KLHL7: variants seen among roughly 807,000 people sequenced by gnomAD.
KLHL7 encodes the protein kelch like family member 7, also known as kelch-like protein 7.
In KLHL7, 44 loss-of-function variants were observed where a neutral mutation model predicts 67.4. The observed-to-expected ratio is 0.65, with a 90% CI of 0.51 to 0.84. The LOEUF (loss-of-function observed/expected upper bound fraction) is 0.84. Among genes scored for constraint, KLHL7 ranks in the 40% least tolerant of loss-of-function variants. The pLI is 0.00. For synonymous variants in KLHL7, 252 were observed against 243.3 expected (o/e 1.04, Z -0.33); for missense variants, 362 against 718.1 (o/e 0.50, Z 5.67).
chr7:23,116,234 T>G (rs978654276), intron 1 of KLHL7, among the ~76,000 whole-genome samples: 2 of 152,240 alleles, frequency 1.3e-5, no homozygotes, highest in African/African-American at 4.8e-5. Context: ...TTTGTCCTCC[T>G]TTCCTCTCCA....
chr7:23,162,195 T>G (rs1467216678), intron 7 of KLHL7, among the ~76,000 whole-genome samples: 1 of 152,236 alleles, frequency 6.6e-6, no homozygotes, highest in Admixed American at 6.5e-5. Flanking sequence ...GACGCAGCTT[T>G]GGAGTCAGAT....
At chr7:23,163,616 C>T (rs1784914080) in intron 7 of KLHL7, among the ~76,000 whole-genome samples, 1 of 152,068 alleles carries the variant, frequency 6.6e-6, no homozygotes, top group African/African-American at 2.4e-5. Context: ...GGAAAACCTA[C>T]AAAAAGGAAA....
chr7:23,144,958 C>T (rs1417473827), intron 6 of KLHL7, among the ~76,000 whole-genome samples: 1 of 149,458 alleles, frequency 6.7e-6, no homozygotes, highest in East Asian at 1.9e-4. Context: ...CCTAGCCGGG[C>T]GTGGAGGCAT....
At chr7:23,123,952 C>A (rs1156487428) in intron 2 of KLHL7, 73 bp downstream of exon 2, 3 of 1,069,968 alleles carry the variant, frequency 2.8e-6, no homozygotes, top group African/African-American at 1.6e-5. Context: ...GAGAATATGT[C>A]ATTTTTCTAA....
chr7:23,129,374 C>A, intron 4 of KLHL7: 1 of 383,406 alleles, frequency 2.6e-6, no homozygotes, highest in Non-Finnish European at 5.2e-6. Flanking sequence ...AAGGGAAACT[C>A]ATCCCAAATG....
chr7:23,162,643 T>G (rs1267553838), intron 7 of KLHL7, among the ~76,000 whole-genome samples: 3 of 152,254 alleles, frequency 2.0e-5, no homozygotes, highest in African/African-American at 7.2e-5. Context: ...GTAAGATGAA[T>G]GAAGCCAAAA....
At chr7:23,106,519 G>A (rs777392373) in intron 1 of KLHL7, 106 of 1,131,416 alleles carry the variant, frequency 9.4e-5, no homozygotes, top group Non-Finnish European at 1.0e-4. Context: ...GAAGAAACCC[G>A]TTGGCATAGC....
At chr7:23,127,460 C>G (rs1178166644) in intron 4 of KLHL7, among the ~76,000 whole-genome samples, 2 of 152,134 alleles carry the variant, frequency 1.3e-5, no homozygotes, top group South Asian at 2.1e-4. Context: ...AGCCCAATAA[C>G]TAGGGAAACT....
chr7:23,106,930 T>A, intron 1 of KLHL7: 1 of 549,216 alleles, frequency 1.8e-6, no homozygotes, highest in Non-Finnish European at 2.3e-6. Context: ...TATTTATAGA[T>A]AATACACATC....
chr7:23,118,751 T>G (rs1338642155), intron 1 of KLHL7, among the ~76,000 whole-genome samples: 2 of 151,206 alleles, frequency 1.3e-5, no homozygotes, highest in Non-Finnish European at 3.0e-5. Flanking sequence ...TTTCCTAGAC[T>G]TTTTTTTTAA....
Position 23,174,178 on chromosome 7 carries a change from A to G in KLHL7, c.1641A>G (p.Glu547=). 10 of 1,614,192 alleles carry G rather than the reference A, an allele frequency of 6.2e-6. No individual in the cohort carries two copies. Among genetic ancestry groups the G allele is most frequent in the Non-Finnish European group, 8.5e-6 (10 of 1,180,012 alleles). Residue 547 remains glutamate, a synonymous_variant, in exon 11 of 11, where the codon GAA becomes GAG. Coordinates refer to ENST00000339077, the MANE Select transcript of KLHL7 (RefSeq NM_001031710.3). ...TTGGTCGATTAGGACACATTCTCGA[A>G]TATAATACCGAAACAGACAAATGGG... The part of the protein sequence containing the change: ...QGVGRLGHIL[E]YNTETDKWVA...
intron 3 of KLHL7, 133 bp downstream of exon 3, chr7:23,124,914 C>G (rs1229645058): frequency 9.4e-7 from 1 of 1,059,032 alleles, no homozygotes; most frequent in African/African-American, 1.6e-5. Flanking sequence ...TTTCAGTATC[C>G]TATGCCATAC....
rs144937971 is a variant in KLHL7 at position 23,165,383 on chromosome 7, T to A, written c.937-315T>A. Among the ~76,000 whole-genome samples, 288 of 152,320 alleles carry A rather than the reference T, an allele frequency of 1.9e-3. 1 individual carries two copies. Among genetic ancestry groups the A allele is most frequent in the South Asian group, 2.5e-3 (12 of 4,828 alleles). ...AAATAAAACAACTTATTTTAGAATCTTCTTGTATTGTCTTCAATAACAGAA... is the reference window on the plus strand; with the variant it reads ...AAATAAAACAACTTATTTTAGAATCATCTTGTATTGTCTTCAATAACAGAA... On this transcript the variant is annotated intron_variant, in intron 7 of 10. Transcript: ENST00000339077.
At chr7:23,119,594 T>C (rs1783245017) in intron 1 of KLHL7, among the ~76,000 whole-genome samples, 1 of 152,268 alleles carries the variant, frequency 6.6e-6, no homozygotes. Flanking sequence ...TATAATGACA[T>C]GTATACACCA....
At chr7:23,118,060 T>C (rs1783172022) in intron 1 of KLHL7, 1 of 1,436,048 alleles carries the variant, frequency 7.0e-7, no homozygotes. Flanking sequence ...CACATGTGAT[T>C]AAAAGCTAAT....
chr7:23,117,323 G>A (rs1464903927), intron 1 of KLHL7, among the ~76,000 whole-genome samples: 1 of 151,900 alleles, frequency 6.6e-6, no homozygotes, highest in Non-Finnish European at 1.5e-5. Context: ...CCTGACCCCA[G>A]GTGATCCACA....
At chr7:23,156,143 C>T (rs1784699407) in intron 7 of KLHL7, 1 of 292,372 alleles carries the variant, frequency 3.4e-6, no homozygotes, top group Admixed American at 4.8e-5. Flanking sequence ...GAGGAATGAA[C>T]TACCAATAAA....
At position 23,177,789 on chromosome 7, in the gene KLHL7, T is replaced by C. The variant is rs1184499073; in HGVS notation, c.*3491T>C. ...CAAAACAAAACATATACTTGTGACTTTGTGGTCCAGCTGGCAAAAACTTGA... is the reference window on the plus strand; with the variant it reads ...CAAAACAAAACATATACTTGTGACTCTGTGGTCCAGCTGGCAAAAACTTGA... On this transcript the variant is annotated 3_prime_UTR_variant, in exon 11 of 11. Coordinates refer to ENST00000339077, the MANE Select transcript of KLHL7 (RefSeq NM_001031710.3). 6.6e-6 allele frequency: 1 copy of C among 152,186 alleles called. No homozygotes were observed. The highest frequency in any genetic ancestry group is 1.5e-5 in the Non-Finnish European group (1 of 68,024). 9.4% of individuals were successfully genotyped at this position (152,186 alleles called of 1,614,324 possible).
At chr7:23,149,614 G>A (rs1583702725) in intron 6 of KLHL7, among the ~76,000 whole-genome samples, 1 of 152,228 alleles carries the variant, frequency 6.6e-6, no homozygotes, top group East Asian at 1.9e-4. Flanking sequence ...TACTGATGCT[G>A]CTGGTTATGG....
Sources: gnomAD v4.1 joint callset for allele counts (sites outside exome capture counted in the v4.1 genomes callset) on GRCh38, gnomAD v4.1.1 for gene constraint, MANE v1.5 for transcripts, NCBI Gene and HGNC (gene_info 2026-07-23, HGNC 2026-07-21) for gene names.